The following CSRNP3 variants were observed in gnomAD, a reference collection of about 807,000 sequenced individuals.
CSRNP3 encodes the protein cysteine/serine-rich nuclear protein 3.
Under a neutral mutation model 48.0 loss-of-function variants are expected in CSRNP3, and 12 were observed. That is an observed-to-expected ratio of 0.25 (90% CI 0.16 to 0.41). The LOEUF is 0.41. Ranked by LOEUF, CSRNP3 falls within the 10% of genes least tolerant of loss-of-function variation. The pLI, the probability that CSRNP3 is intolerant of heterozygous loss-of-function variation, is 1.00. For synonymous variants in CSRNP3, 263 were observed against 269.7 expected (o/e 0.98, Z 0.24); for missense variants, 580 against 724.4 (o/e 0.80, Z 2.29).
At chr2:165,624,366 A>C (rs1686392842) in intron 4 of CSRNP3, among the ~76,000 whole-genome samples, 1 of 152,228 alleles carries the variant, frequency 6.6e-6, no homozygotes, top group African/African-American at 2.4e-5. Context: ...TAGAATCGCC[A>C]AAGAGGGCTT....
intron 3 of CSRNP3, among the ~76,000 whole-genome samples, chr2:165,567,476 T>C (rs532054414): frequency 1.1e-3 from 163 of 152,108 alleles, no homozygotes; most frequent in Admixed American, 1.7e-3. Flanking sequence ...GCAGCAATTA[T>C]AGAGCTATCC....
intron 4 of CSRNP3, among the ~76,000 whole-genome samples, chr2:165,641,883 C>T (rs756315663): frequency 8.5e-5 from 13 of 152,116 alleles, no homozygotes; most frequent in Admixed American, 7.2e-4. Context: ...TTTTGTTTCT[C>T]TTCTATCCAA....
intron 2 of CSRNP3, among the ~76,000 whole-genome samples, chr2:165,500,420 TACAC>T (rs60600698): frequency 0.014 from 1,948 of 142,370 alleles, 36 homozygotes; most frequent in East Asian, 0.043. Flanking sequence ...CATATATATA[TACAC>T]ACACACACAC....
chr2:165,677,447 G>A (rs966334886), intron 6 of CSRNP3, among the ~76,000 whole-genome samples: 3 of 152,022 alleles, frequency 2.0e-5, no homozygotes, highest in South Asian at 2.1e-4. Flanking sequence ...TCATTGGTGC[G>A]CTATGATTAG....
chr2:165,562,699 CATG>C (rs1685249508), intron 3 of CSRNP3, among the ~76,000 whole-genome samples: 2 of 152,126 alleles, frequency 1.3e-5, no homozygotes, highest in African/African-American at 4.8e-5. Flanking sequence ...GAGCATTTCT[CATG>C]GTAAAGGTTT....
At chr2:165,492,864 C>A in intron 1 of CSRNP3, among the ~76,000 whole-genome samples, 1 of 134,808 alleles carries the variant, frequency 7.4e-6, no homozygotes, top group African/African-American at 2.8e-5. Context: ...GGCCCTTAAA[C>A]AAATGACAGA....
In CSRNP3 at chr2:165,524,461, C is replaced by T. The variant is rs112492686; in HGVS notation, c.-24+6500C>T. On this transcript the variant is annotated intron_variant, in intron 3 of 6. Transcript: ENST00000651982. ...ATGCAAGAAAGCCAAGTCATTTATT[C>T]GTTTTTAAACTTATAAACAGTAAAA... Among the ~76,000 whole-genome samples the T allele has an allele frequency of 5.3e-3, 802 of 152,120 alleles. 6 individuals are homozygous for T. Among genetic ancestry groups the T allele is most frequent in the African/African-American group, 0.018 (746 of 41,502 alleles).
chr2:165,620,628 C>T (rs76325862), intron 4 of CSRNP3, among the ~76,000 whole-genome samples: 2 of 152,226 alleles, frequency 1.3e-5, no homozygotes, highest in East Asian at 1.9e-4. Flanking sequence ...ATCAACAGTA[C>T]AAAAATGTTC....
chr2:165,533,223 C>T (rs944082547), intron 3 of CSRNP3, among the ~76,000 whole-genome samples: 1 of 152,002 alleles, frequency 6.6e-6, no homozygotes, highest in Non-Finnish European at 1.5e-5. Context: ...TTTTATGCCT[C>T]ATTTTATGTG....
At chr2:165,678,630 A>G (rs1188867189) in intron 6 of CSRNP3, 71 bp from the exon 7 acceptor site, 1 of 1,517,896 alleles carries the variant, frequency 6.6e-7, no homozygotes, top group African/African-American at 1.4e-5. Flanking sequence ...CAAAGAAGTT[A>G]CTGAAAAGTT....
rs565746898 is a variant in CSRNP3, at chr2:165,563,433, C to CT, written c.-23-31603dup. On this transcript the variant is annotated intron_variant, in intron 3 of 6. Transcript: ENST00000651982. ...CCAGCTGTTTCTGTACCTCATTTCC[C>CT]TTTTTTTGTCTATAAATCTTATCCC... 3.9e-5 allele frequency among the ~76,000 whole-genome samples: 6 copies of CT among 152,198 alleles called. 1 individual carries two copies. The South Asian group carries it at 1.0e-3, about 26-fold the overall frequency.
chr2:165,548,920 G>C (rs757047336), intron 3 of CSRNP3, among the ~76,000 whole-genome samples: 1 of 150,720 alleles, frequency 6.6e-6, no homozygotes, highest in Non-Finnish European at 1.5e-5. Context: ...ATTCTAGTCT[G>C]GATAAAAAGA....
chr2:165,616,064 T>A (rs1188534017), intron 4 of CSRNP3, among the ~76,000 whole-genome samples: 1 of 152,118 alleles, frequency 6.6e-6, no homozygotes, highest in Non-Finnish European at 1.5e-5. Flanking sequence ...TGTGTATCTT[T>A]ACAGATGAAG....
intron 4 of CSRNP3, among the ~76,000 whole-genome samples, chr2:165,629,055 A>G (rs1245178360): frequency 2.0e-5 from 3 of 152,216 alleles, no homozygotes; most frequent in Non-Finnish European, 4.4e-5. Flanking sequence ...AATTGGTTAC[A>G]GTGGGAATAT....
intron 3 of CSRNP3, among the ~76,000 whole-genome samples, chr2:165,570,401 A>G (rs2105273719): frequency 6.6e-6 from 1 of 151,940 alleles, no homozygotes; most frequent in African/African-American, 2.4e-5. Context: ...CCTTGTATTT[A>G]TTTTCTTATT....
rs1257170325 is a variant in CSRNP3, at chr2:165,681,756, TATATACACACAC to T, written c.*2005_*2016del. 13 of 59,876 alleles carry T rather than the reference TATATACACACAC, an allele frequency of 2.2e-4. No homozygotes were observed. The highest frequency in any genetic ancestry group is 6.2e-4 in the African/African-American group (13 of 21,082). 3.7% of individuals were successfully genotyped at this position (59,876 alleles called of 1,614,324 possible). A position where few individuals can be genotyped will look rare whatever the true frequency, so the allele number is the denominator to read the frequency against. Reference sequence around the variant, plus strand: ...ATATATATATATATATATATATATATATATACACACACACACACACATACACATATATATACA... The same window carrying T: ...ATATATATATATATATATATATATATACACACACATACACATATATATACA... On this transcript the variant is annotated 3_prime_UTR_variant, in exon 7 of 7. Coordinates refer to ENST00000651982, the MANE Select transcript of CSRNP3 (RefSeq NM_001172173.2).
At chr2:165,504,030 T>G (rs1424489235) in intron 2 of CSRNP3, among the ~76,000 whole-genome samples, 2 of 152,124 alleles carry the variant, frequency 1.3e-5, no homozygotes, top group East Asian at 3.9e-4. Flanking sequence ...TGAAAAATAT[T>G]CTTCCTAATA....
chr2:165,496,419 A>G (rs1308800624), intron 2 of CSRNP3, among the ~76,000 whole-genome samples: 2 of 152,082 alleles, frequency 1.3e-5, no homozygotes, highest in Non-Finnish European at 2.9e-5. Flanking sequence ...GCCATTATCT[A>G]AAACGCCTAG....
In CSRNP3 at chr2:165,606,142, T is replaced by A. The variant is rs930815559; in HGVS notation, c.148+10929T>A. ...TAAAATTATAAAATATACAAAAAAA[T>A]AGGAAAATATATGTATGTCAGAGTA... On this transcript the variant is annotated intron_variant, in intron 4 of 6. Transcript: ENST00000651982. Among the ~76,000 whole-genome samples, 15 of 144,946 alleles carry A rather than the reference T, an allele frequency of 1.0e-4. 1 individual carries two copies. Among genetic ancestry groups the A allele is most frequent in the Admixed American group, 4.1e-4 (6 of 14,722 alleles).
Sources: gnomAD v4.1 joint callset for allele counts (sites outside exome capture counted in the v4.1 genomes callset) on GRCh38, gnomAD v4.1.1 for gene constraint, MANE v1.5 for transcripts, NCBI Gene and HGNC (gene_info 2026-07-23, HGNC 2026-07-21) for gene names.